Variants in TIE1 observed in about 807,000 individuals in gnomAD.
TIE1 encodes tyrosine kinase with immunoglobulin like and EGF like domains 1.
TIE1 carries 89 observed loss-of-function variants against 130.5 expected under a neutral mutation model. The ratio of observed to expected loss-of-function variants is 0.68; its 90% CI spans 0.57 to 0.81. The LOEUF is 0.81. Ranked by LOEUF, TIE1 falls within the 40% of genes least tolerant of loss-of-function variation. The probability of loss-of-function intolerance (pLI) is 0.00; values close to 1 mark genes in which losing one functional copy is unlikely to be tolerated. For missense variants in TIE1, 1,392 were observed against 1,559.8 expected (o/e 0.89, Z 1.81); for synonymous variants, 568 against 629.4 (o/e 0.90, Z 1.46).
In TIE1 at chr1:43,319,755, C is replaced by T. The variant is rs911168544; in HGVS notation, c.3107+226C>T. The T allele has an allele frequency of 2.6e-5, 15 of 569,682 alleles. No homozygotes were observed. Among genetic ancestry groups the T allele is most frequent in the South Asian group, 4.1e-5 (2 of 48,500 alleles). 35.3% of individuals were successfully genotyped at this position (569,682 alleles called of 1,614,324 possible). On this transcript the variant is annotated intron_variant, in intron 19 of 22. Coordinates refer to ENST00000372476, the MANE Select transcript of TIE1 (RefSeq NM_005424.5). The surrounding 1 kb of genome is among the most constrained non-coding windows in gnomAD (Gnocchi z 4.7). ...AATAGGACTGGGGTAAAGGTAGTTT[C>T]GGATTATGTTTGTGTAAGTGACGGG... is the stretch of plus-strand genomic sequence containing the variant.
Position 43,319,808 on chromosome 1 carries a change from T to C in TIE1, c.3107+279T>C, listed in dbSNP as rs1006851529. 3 of 458,378 alleles carry C rather than the reference T, an allele frequency of 6.5e-6. No individual in the cohort carries two copies. Among genetic ancestry groups the C allele is most frequent in the African/African-American group, 5.9e-5 (3 of 50,726 alleles). 28.4% of individuals were successfully genotyped at this position (458,378 alleles called of 1,614,324 possible). A position where few individuals can be genotyped will look rare whatever the true frequency, so the allele number is the denominator to read the frequency against. On this transcript the variant is annotated intron_variant, in intron 19 of 22. Transcript: ENST00000372476. This position sits in a 1 kb window ranked among gnomAD's most constrained non-coding sequence, Gnocchi z 4.7. ...ATGCCTTGGAGAGGTTTGGGAATGC[T>C]GGCGGATGCTTCCTGAGGTAGATGG...
chr1:43,313,452 C>G lies in TIE1; in HGVS notation c.2218+27C>G. 6.2e-7 allele frequency: 1 copy of G among 1,612,398 alleles called. No individual in the cohort carries two copies. On this transcript the variant is annotated intron_variant, in intron 13 of 22. Coordinates refer to ENST00000372476, the MANE Select transcript of TIE1 (RefSeq NM_005424.5). This position sits in a 1 kb window ranked among gnomAD's most constrained non-coding sequence, Gnocchi z 6.2. ...TGAGAGGGCAGGGCCCACAGGACCC[C>G]CCGGGCTCTGAGCGGGGAGAGCTCA... is the stretch of plus-strand genomic sequence containing the variant.
intron 7 of TIE1, 132 bp downstream of exon 7, chr1:43,308,056 C>A: frequency 4.4e-6 from 6 of 1,353,164 alleles, no homozygotes; most frequent in Non-Finnish European, 6.0e-6. Flanking sequence ...AGCTTAGAGT[C>A]TGATGGACAG....
In TIE1 at chr1:43,315,419, G is replaced by A. The variant is rs1164978753; in HGVS notation, c.2409+1451G>A. On this transcript the variant is annotated intron_variant, in intron 14 of 22. Coordinates refer to ENST00000372476, the MANE Select transcript of TIE1 (RefSeq NM_005424.5). The surrounding 1 kb of genome is among the most constrained non-coding windows in gnomAD (Gnocchi z 4.4). ...TGCCTGTAATCCCAGCACTTTGGGA[G>A]GCTGAGGCGGGTGGATCATGAGGTC... 2.0e-5 allele frequency: 3 copies of A among 152,258 alleles called. No homozygotes were observed. Among genetic ancestry groups the A allele is most frequent in the African/African-American group, 7.2e-5 (3 of 41,438 alleles). The allele number at this position is 152,258 out of a possible 1,614,324, so 9.4% of individuals were successfully genotyped here. A position where few individuals can be genotyped will look rare whatever the true frequency, so the allele number is the denominator to read the frequency against.
At position 43,317,640 on chromosome 1, in the gene TIE1, C is replaced by T. The variant is rs921812961; in HGVS notation, c.2697C>T (p.Asn899=). 6.2e-7 allele frequency: 1 copy of T among 1,603,850 alleles called. No homozygotes were observed. The highest frequency in any genetic ancestry group is 2.2e-5 in the East Asian group (1 of 44,718). ...TGTGCAAATTGGGGCATCACCCCAA[C>T]ATCATCAACCTCCTGGGGGCCTGTA... ...EVLCKLGHHP[N]IINLLGACKN... The change falls in exon 16 of 23, where the codon AAC becomes AAT. Residue 899 remains asparagine, a synonymous_variant. Transcript: ENST00000372476. The surrounding 1 kb of genome is among the most constrained non-coding windows in gnomAD (Gnocchi z 5.1).
At position 43,322,854 on chromosome 1, in the gene TIE1, A is replaced by T; in HGVS notation, c.*132A>T. 5 of 801,794 alleles carry T rather than the reference A, an allele frequency of 6.2e-6. No individual in the cohort carries two copies. The highest frequency in any genetic ancestry group is 7.9e-6 in the Non-Finnish European group (4 of 504,426). 49.7% of individuals were successfully genotyped at this position (801,794 alleles called of 1,614,324 possible). Reference sequence around the variant, plus strand: ...TTTTTTTAACTTAAGGGAGAAAAAAAGGGATCTGGGGATGGGGTGGGCTTA... The same window carrying T: ...TTTTTTTAACTTAAGGGAGAAAAAATGGGATCTGGGGATGGGGTGGGCTTA... On this transcript the variant is annotated 3_prime_UTR_variant, in exon 23 of 23. Transcript: ENST00000372476. The surrounding 1 kb of genome is among the most constrained non-coding windows in gnomAD (Gnocchi z 4.0).
rs762544780 is a variant in TIE1 at position 43,319,296 on chromosome 1, T to C, written c.2984T>C (p.Ile995Thr). The change falls in exon 18 of 23, where the codon ATT (isoleucine) becomes ACT (threonine). Residue 995 changes from isoleucine (I) to threonine (T), a missense_variant. Physicochemically the swap from Ile to Thr is moderately conservative, Grantham distance 89. Around this residue, in one of 6 missense-constraint regions of TIE1, gnomAD observed 286 missense variants for 354.4 expected, o/e 0.81. Transcript: ENST00000372476. This position sits in a 1 kb window ranked among gnomAD's most constrained non-coding sequence, Gnocchi z 4.7. Reference sequence around the variant, plus strand: ...GTCGGAGAGAACCTAGCCTCCAAGATTGCAGACTTCGGCCTTTCTCGGGGA... The same window carrying C: ...GTCGGAGAGAACCTAGCCTCCAAGACTGCAGACTTCGGCCTTTCTCGGGGA... ...VLVGENLASK[I>T]ADFGLSRGEE... is the part of the protein sequence containing the mutation. 9 of 1,613,916 alleles carry C rather than the reference T, an allele frequency of 5.6e-6. No individual in the cohort carries two copies. Among genetic ancestry groups the C allele is most frequent in the African/African-American group, 1.3e-5 (1 of 74,866 alleles).
chr1:43,303,429 T>C (rs1245116920), intron 1 of TIE1, among the ~76,000 whole-genome samples: 1 of 151,952 alleles, frequency 6.6e-6, no homozygotes, highest in African/African-American at 2.4e-5. Flanking sequence ...CAGTGGAAAA[T>C]GGGGGTTGGT....
In TIE1 at chr1:43,319,547, G is replaced by A. The variant is rs751742231; in HGVS notation, c.3107+18G>A. ...AGTGATGTGTGAGTGTGAGATGAGA[G>A]GGCACAGGAGGGCTTGGCCCCCAAG... is the stretch of plus-strand genomic sequence containing the variant. On this transcript the variant is annotated intron_variant, in intron 19 of 22. Coordinates refer to ENST00000372476, the MANE Select transcript of TIE1 (RefSeq NM_005424.5). The surrounding 1 kb of genome is among the most constrained non-coding windows in gnomAD (Gnocchi z 4.7). The A allele has an allele frequency of 9.9e-6, 16 of 1,612,510 alleles. No homozygotes were observed. The highest frequency in any genetic ancestry group is 7.6e-6 in the Non-Finnish European group (9 of 1,178,758).
rs1262927966 is a variant in TIE1, at chr1:43,318,258, T to C, written c.2922+186T>C. Among the ~76,000 whole-genome samples the C allele has an allele frequency of 2.6e-5, 4 of 151,954 alleles. No individual in the cohort carries two copies. In the East Asian group the frequency reaches 7.7e-4, roughly 29 times the overall value. On this transcript the variant is annotated intron_variant, in intron 17 of 22. Coordinates refer to ENST00000372476, the MANE Select transcript of TIE1 (RefSeq NM_005424.5). This position sits in a 1 kb window ranked among gnomAD's most constrained non-coding sequence, Gnocchi z 4.4. ...GTCTGGAGGAGGTGGGGACTTCCAG[T>C]ATGGAGGGTGCGGGTGTTGAGTGAG...
chr1:43,308,745 G>A (rs565410538), intron 7 of TIE1: 19 of 612,948 alleles, frequency 3.1e-5, no homozygotes, highest in Middle Eastern at 4.3e-4. Flanking sequence ...AGGATGGTGA[G>A]GGGTCTGCTG....
chr1:43,321,032 C>CAAA (rs752698629), intron 19 of TIE1, among the ~76,000 whole-genome samples: 65 of 97,292 alleles, frequency 6.7e-4, no homozygotes, highest in Middle Eastern at 5.5e-3. Context: ...GACCCTGTCT[C>CAAA]AAAAAAAAAA....
rs1475684464 is a variant in TIE1, at chr1:43,316,870, C to T, written c.2410-329C>T. 6.6e-6 allele frequency among the ~76,000 whole-genome samples: 1 copy of T among 152,214 alleles called. No homozygotes were observed. Among genetic ancestry groups the T allele is most frequent in the Non-Finnish European group, 1.5e-5 (1 of 68,040 alleles). ...TAGAAATATCCTCCTTCCATTGACT[C>T]ACATTGTGGCTTCTAGCAACTTTAC... On this transcript the variant is annotated intron_variant, in intron 14 of 22. Coordinates refer to ENST00000372476, the MANE Select transcript of TIE1 (RefSeq NM_005424.5). This position sits in a 1 kb window ranked among gnomAD's most constrained non-coding sequence, Gnocchi z 4.4.
intron 3 of TIE1, 30 bp downstream of exon 3, chr1:43,305,373 G>C: frequency 1.3e-6 from 2 of 1,498,926 alleles, no homozygotes; most frequent in Non-Finnish European, 1.8e-6. Flanking sequence ...CTGGTGGGGA[G>C]GGTAGACCCA....
At chr1:43,321,858 C>A in intron 22 of TIE1, 143 bp downstream of exon 22, 1 of 772,020 alleles carries the variant, frequency 1.3e-6, no homozygotes, top group Non-Finnish European at 2.1e-6. Context: ...TAGGCTGGGC[C>A]CCAGGATGCA....
At position 43,307,174 on chromosome 1, in the gene TIE1, A is replaced by T; in HGVS notation, c.673A>T (p.Thr225Ser). Residue 225 changes from threonine (T) to serine (S), a missense_variant, in exon 5 of 23, where the codon ACC (threonine) becomes TCC (serine). This residue lies in a region of TIE1 where 415 missense variants were observed against 424.8 expected (regional missense o/e 0.98). Transcript: ENST00000372476. This position sits in a 1 kb window ranked among gnomAD's most constrained non-coding sequence, Gnocchi z 5.4. ...CGAGRWGPGCTKECPGCLHGG... is the reference protein window; with the variant it reads ...CGAGRWGPGCSKECPGCLHGG... ...GGCTGGGCGCTGGGGGCCAGGCTGT[A>T]CCAAGGAGTGCCCAGGTTGCCTACA... 2 of 1,614,068 alleles carry T rather than the reference A, an allele frequency of 1.2e-6. No homozygotes were observed. The highest frequency in any genetic ancestry group is 1.7e-6 in the Non-Finnish European group (2 of 1,179,980).
Position 43,306,832 on chromosome 1 carries a change from T to TC in TIE1, c.485-3dup. 1 of 1,602,262 alleles carries TC rather than the reference T, an allele frequency of 6.2e-7. No individual in the cohort carries two copies. Among genetic ancestry groups the TC allele is most frequent in the Non-Finnish European group, 8.5e-7 (1 of 1,173,994 alleles). Reference sequence around the variant, plus strand: ...TGCTGAGGCCCCTGACACATTCATGTCCCCCAGGATCCTACTTCTACACCC... The same window carrying TC: ...TGCTGAGGCCCCTGACACATTCATGTCCCCCCAGGATCCTACTTCTACACCC... On this transcript the variant is annotated splice_region_variant and splice_polypyrimidine_tract_variant and intron_variant, in intron 3 of 22. Transcript: ENST00000372476. This position sits in a 1 kb window ranked among gnomAD's most constrained non-coding sequence, Gnocchi z 4.9.
At position 43,311,912 on chromosome 1, in the gene TIE1, G is replaced by A. The variant is rs998520815; in HGVS notation, c.1493-82G>A. ...AGTGAGCAGGAGAGGGAGGGCAAAT[G>A]GTGCGAGGGGGCTGAAGGGAGCATG... is the stretch of plus-strand genomic sequence containing the variant. On this transcript the variant is annotated intron_variant, in intron 10 of 22. Coordinates refer to ENST00000372476, the MANE Select transcript of TIE1 (RefSeq NM_005424.5). 4 of 1,569,782 alleles carry A rather than the reference G, an allele frequency of 2.5e-6. No homozygotes were observed. The African/African-American group carries it at 4.0e-5, about 16-fold the overall frequency.
intron 3 of TIE1, among the ~76,000 whole-genome samples, chr1:43,305,849 G>A (rs1338268131): frequency 6.6e-6 from 1 of 152,116 alleles, no homozygotes; most frequent in African/African-American, 2.4e-5. Context: ...CTGACCCTTT[G>A]GCCACCCCAT....
Sources: gnomAD v4.1 joint callset for allele counts (sites outside exome capture counted in the v4.1 genomes callset) on GRCh38, gnomAD v4.1.1 for gene constraint, gnomAD v4.1.1 regional missense constraint, Gnocchi (gnomAD v3.1) non-coding constraint, MANE v1.5 for transcripts, NCBI Gene and HGNC (gene_info 2026-07-23, HGNC 2026-07-21) for gene names.